Variants in RPL15 observed in about 807,000 individuals in gnomAD.
RPL15 encodes ribosomal protein L15, also known as large ribosomal subunit protein eL15.
For missense variants in RPL15, 161 were observed against 271.8 expected (o/e 0.59, Z 2.87); for synonymous variants, 97 against 95.1 (o/e 1.02, Z -0.12).
At position 23,919,593 on chromosome 3, in the gene RPL15, G is replaced by T; in HGVS notation, c.*92G>T. The T allele has an allele frequency of 2.1e-6, 3 of 1,424,658 alleles. No homozygotes were observed. The highest frequency in any genetic ancestry group is 2.7e-6 in the Non-Finnish European group (3 of 1,093,382). 88.3% of individuals were successfully genotyped at this position (1,424,658 alleles called of 1,614,324 possible). A position where few individuals can be genotyped will look rare whatever the true frequency, so the allele number is the denominator to read the frequency against. ...GTTATTTGTCTGTTAAAACTAGTCTGCAGATGTTTCTTGAATGCTTTGTCA... is the reference window on the plus strand; with the variant it reads ...GTTATTTGTCTGTTAAAACTAGTCTTCAGATGTTTCTTGAATGCTTTGTCA... On this transcript the variant is annotated 3_prime_UTR_variant, in exon 4 of 4. Transcript: ENST00000307839.
In RPL15 at chr3:23,917,905, T is replaced by G. The variant is rs1377779421; in HGVS notation, c.46T>G (p.Ser16Ala). The part of the protein sequence containing the change: ...YIQELWRKKQ[S>A]DVMRFLLRVR... ...CCAGGAGCTATGGAGAAAGAAGCAG[T>G]CTGATGTCATGCGCTTTCTTCTGAG... Residue 16 changes from serine to alanine, a missense_variant, in exon 2 of 4, where the codon TCT (serine) becomes GCT (alanine). By Grantham distance (99) the Ser-to-Ala change is moderately conservative. Coordinates refer to ENST00000307839, the MANE Select transcript of RPL15 (RefSeq NM_002948.5). 1 of 1,613,446 alleles carries G rather than the reference T, an allele frequency of 6.2e-7. No homozygotes were observed. The highest frequency in any genetic ancestry group is 1.7e-5 in the Admixed American group (1 of 59,956).
chr3:23,918,949 A>G (rs1704893448), intron 3 of RPL15: 1 of 551,918 alleles, frequency 1.8e-6, no homozygotes, highest in East Asian at 2.9e-5. Context: ...ATATTAACAT[A>G]TTCCTGCCCT....
rs1705023944 is a variant in RPL15, at chr3:23,920,580, A to G, written c.*1079A>G. 7.1e-6 allele frequency: 7 copies of G among 985,236 alleles called. No homozygotes were observed. The highest frequency in any genetic ancestry group is 4.7e-5 in the South Asian group (1 of 21,292). The allele number at this position is 985,236 out of a possible 1,614,324, so 61.0% of individuals were successfully genotyped here. ...TTGTCCAGGGTCAATTTGAGTGTAA[A>G]GAAAATGTAGACAAGGAATTGCCCA... On this transcript the variant is annotated 3_prime_UTR_variant, in exon 4 of 4. Coordinates refer to ENST00000307839, the MANE Select transcript of RPL15 (RefSeq NM_002948.5).
downstream of RPL15, chr3:23,922,033 T>G: frequency 2.5e-5 from 4 of 159,444 alleles, no homozygotes; most frequent in Non-Finnish European, 2.7e-5. The surrounding 1 kb of genome is among the most constrained non-coding windows in gnomAD (Gnocchi z 4.2). Context: ...TAACAACAAT[T>G]GGCTGGGTGC....
At chr3:23,918,376 C>T (rs1040429331) in intron 2 of RPL15, 64 bp from the exon 3 acceptor site, 214 of 1,544,816 alleles carry the variant, frequency 1.4e-4, no homozygotes, top group Non-Finnish European at 1.8e-4. Context: ...TAGTGACAAG[C>T]CATTGAGTCT....
At position 23,919,271 on chromosome 3, in the gene RPL15, T is replaced by C; in HGVS notation, c.385T>C (p.Phe129Leu). 3 of 1,611,782 alleles carry C rather than the reference T, an allele frequency of 1.9e-6. No homozygotes were observed. Among genetic ancestry groups the C allele is most frequent in the Non-Finnish European group, 2.5e-6 (3 of 1,179,562 alleles). The change falls in exon 4 of 4, where the codon TTT (phenylalanine) becomes CTT (leucine). Residue 129 changes from phenylalanine (F) to leucine (L), a missense_variant. Physicochemically the swap from Phe to Leu is conservative, Grantham distance 22. Transcript: ENST00000307839. ...GGTTGGTGAAGATTCCACATACAAA[T>C]TTTTTGAGGTTATCCTCATTGATCC... ...YWVGEDSTYK[F>L]FEVILIDPFH...
rs1437576745 is a variant in RPL15 at position 23,918,434 on chromosome 3, GT to G, written c.173-5del. On this transcript the variant is annotated splice_polypyrimidine_tract_variant and splice_region_variant and intron_variant, in intron 2 of 3. Transcript: ENST00000307839. ...AATCACTAATTTCGTGTGTGTTTGTGTGTAGGTTACGTTATATATAGGATTC... is the reference window on the plus strand; with the variant it reads ...AATCACTAATTTCGTGTGTGTTTGTGGTAGGTTACGTTATATATAGGATTC... 1 of 1,611,722 alleles carries G rather than the reference GT, an allele frequency of 6.2e-7. No individual in the cohort carries two copies. The highest frequency in any genetic ancestry group is 8.5e-7 in the Non-Finnish European group (1 of 1,179,694).
chr3:23,922,075 G>C (rs1415806330), downstream of RPL15: 1 of 155,600 alleles, frequency 6.4e-6, no homozygotes, highest in Non-Finnish European at 1.4e-5. The surrounding 1 kb of genome is among the most constrained non-coding windows in gnomAD (Gnocchi z 4.2). Context: ...CAACACTTTC[G>C]GTAACCAAGG....
rs1456990088 is a variant in RPL15, at chr3:23,918,252, CAG to C, written c.173-187_173-186del. 1.1e-5 allele frequency: 10 copies of C among 895,602 alleles called. No individual in the cohort carries two copies. The Admixed American group carries it at 1.2e-4, about 11-fold the overall frequency. 55.5% of individuals were successfully genotyped at this position (895,602 alleles called of 1,614,324 possible). A position where few individuals can be genotyped will look rare whatever the true frequency, so the allele number is the denominator to read the frequency against. On this transcript the variant is annotated intron_variant, in intron 2 of 3. Transcript: ENST00000307839. ...TGAGTTCAGACTAAAGCAAAATAAACAGTGTGCCTCCCTGTGTGAGTAGCCTA... is the reference window on the plus strand; with the variant it reads ...TGAGTTCAGACTAAAGCAAAATAAACTGTGCCTCCCTGTGTGAGTAGCCTA...
In RPL15 at chr3:23,919,604, T is replaced by C; in HGVS notation, c.*103T>C. The C allele has an allele frequency of 7.0e-7, 1 of 1,424,054 alleles. No homozygotes were observed. Among genetic ancestry groups the C allele is most frequent in the Non-Finnish European group, 9.1e-7 (1 of 1,093,194 alleles). 88.2% of individuals were successfully genotyped at this position (1,424,054 alleles called of 1,614,324 possible). ...GTTAAAACTAGTCTGCAGATGTTTC[T>C]TGAATGCTTTGTCAAATTAAGAAAG... is the stretch of plus-strand genomic sequence containing the variant. On this transcript the variant is annotated 3_prime_UTR_variant, in exon 4 of 4. Coordinates refer to ENST00000307839, the MANE Select transcript of RPL15 (RefSeq NM_002948.5).
In RPL15 at chr3:23,920,203, C is replaced by T. The variant is rs1704995596; in HGVS notation, c.*702C>T. ...ACCTTTCAAGTGTGAGCTTAGACGT[C>T]AACCCTAAAATACTTAACCGTAATG... On this transcript the variant is annotated 3_prime_UTR_variant, in exon 4 of 4. Transcript: ENST00000307839. 1.0e-6 allele frequency: 1 copy of T among 985,848 alleles called. No homozygotes were observed. Among genetic ancestry groups the T allele is most frequent in the African/African-American group, 1.7e-5 (1 of 57,348 alleles). The allele number at this position is 985,848 out of a possible 1,614,324, so 61.1% of individuals were successfully genotyped here. A position where few individuals can be genotyped will look rare whatever the true frequency, so the allele number is the denominator to read the frequency against.
At position 23,920,697 on chromosome 3, in the gene RPL15, A is replaced by G. The variant is rs2125258757; in HGVS notation, c.*1196A>G. The G allele has an allele frequency of 2.0e-6, 2 of 985,146 alleles. No homozygotes were observed. The highest frequency in any genetic ancestry group is 9.4e-5 in the South Asian group (2 of 21,278). The allele number at this position is 985,146 out of a possible 1,614,324, so 61.0% of individuals were successfully genotyped here. On this transcript the variant is annotated 3_prime_UTR_variant, in exon 4 of 4. Transcript: ENST00000307839. ...TCTAGGGGTTTCAAAAGACTCAGTT[A>G]ATTGATTTCCAGGAAGTACTCATAG... is the stretch of plus-strand genomic sequence containing the variant.
At chr3:23,918,089 C>T in intron 2 of RPL15, 58 bp downstream of exon 2, 9 of 1,566,494 alleles carry the variant, frequency 5.7e-6, no homozygotes, top group Non-Finnish European at 7.8e-6. Context: ...AAGTTGGAAA[C>T]CAGCTGTTAG....
chr3:23,919,126 TA>T (rs750467611), intron 3 of RPL15, 69 bp from the exon 4 acceptor site: 204 of 1,069,512 alleles, frequency 1.9e-4, no homozygotes, highest in Non-Finnish European at 2.9e-4. Context: ...AGTTGAGAAT[TA>T]AAATTCTTTC....
intron 1 of RPL15, 108 bp from the exon 2 acceptor site, chr3:23,917,742 T>C (rs1466522068): frequency 1.7e-6 from 2 of 1,163,952 alleles, no homozygotes; most frequent in East Asian, 5.0e-5. Flanking sequence ...AGAGCCATTT[T>C]CATTCCCGGC....
At chr3:23,919,022 G>T in intron 3 of RPL15, 174 bp from the exon 4 acceptor site, 1 of 611,140 alleles carries the variant, frequency 1.6e-6, no homozygotes, top group Non-Finnish European at 2.9e-6. Context: ...GTTTTAGCAA[G>T]TCTACATTAT....
At chr3:23,916,794 C>G (rs1158556555), upstream of RPL15, 2 of 152,826 alleles carry the variant, frequency 1.3e-5, no homozygotes, top group African/African-American at 4.8e-5. Context: ...CTGTTCTCTC[C>G]TCAGACCTCA....
rs1705028968 is a variant in RPL15 at position 23,920,677 on chromosome 3, G to A, written c.*1176G>A. ...ACCAATTTTCTCCTATCTTCTCTAG[G>A]GGTTTCAAAAGACTCAGTTAATTGA... On this transcript the variant is annotated 3_prime_UTR_variant, in exon 4 of 4. Transcript: ENST00000307839. The A allele has an allele frequency of 1.6e-5, 16 of 985,162 alleles. No homozygotes were observed. Among genetic ancestry groups the A allele is most frequent in the Non-Finnish European group, 1.9e-5 (16 of 829,820 alleles). The allele number at this position is 985,162 out of a possible 1,614,324, so 61.0% of individuals were successfully genotyped here.
rs1457355924 is a variant in RPL15, at chr3:23,919,591, C to T, written c.*90C>T. 1 of 1,424,580 alleles carries T rather than the reference C, an allele frequency of 7.0e-7. No individual in the cohort carries two copies. The highest frequency in any genetic ancestry group is 1.4e-5 in the African/African-American group (1 of 69,554). 88.2% of individuals were successfully genotyped at this position (1,424,580 alleles called of 1,614,324 possible). On this transcript the variant is annotated 3_prime_UTR_variant, in exon 4 of 4. Coordinates refer to ENST00000307839, the MANE Select transcript of RPL15 (RefSeq NM_002948.5). ...GTGTTATTTGTCTGTTAAAACTAGT[C>T]TGCAGATGTTTCTTGAATGCTTTGT...
Sources: gnomAD v4.1 joint callset for allele counts on GRCh38, gnomAD v4.1.1 for gene constraint, Gnocchi (gnomAD v3.1) non-coding constraint, MANE v1.5 for transcripts, NCBI Gene and HGNC (gene_info 2026-07-23, HGNC 2026-07-21) for gene names.